The following RPS6KC1 variants were observed in gnomAD, a reference collection of about 807,000 sequenced individuals.
The protein encoded by RPS6KC1 is ribosomal protein S6 kinase C1.
Under a neutral mutation model 103.8 loss-of-function variants are expected in RPS6KC1, and 54 were observed. The ratio of observed to expected loss-of-function variants is 0.52; its 90% CI spans 0.42 to 0.65. The LOEUF is 0.65. Among genes scored for constraint, RPS6KC1 ranks in the 30% least tolerant of loss-of-function variants. The pLI is 0.00. For synonymous variants in RPS6KC1, 439 were observed against 438.7 expected (o/e 1.00, Z -0.01); for missense variants, 1,151 against 1,253.8 (o/e 0.92, Z 1.24).
chr1:213,489,257 T>C, the RPS6KC1 span, among the ~76,000 whole-genome samples: 1 of 152,166 alleles, frequency 6.6e-6, no homozygotes, highest in South Asian at 2.1e-4. Context: ...TTTGAGCGTC[T>C]TTCTGGGTGT....
chr1:213,125,387 G>A (rs2084862149), intron 5 of RPS6KC1, among the ~76,000 whole-genome samples: 1 of 151,984 alleles, frequency 6.6e-6, no homozygotes, highest in Non-Finnish European at 1.5e-5. Flanking sequence ...TTAGGAATTT[G>A]TTATTGCCAC....
At chr1:213,204,620 CTT>C (rs35617516) in intron 8 of RPS6KC1, among the ~76,000 whole-genome samples, 77 of 127,620 alleles carry the variant, frequency 6.0e-4, no homozygotes, top group Middle Eastern at 3.9e-3. Flanking sequence ...TTAATTGTCA[CTT>C]TTTTTTTTTT....
At chr1:213,425,729 C>CA in the RPS6KC1 span, among the ~76,000 whole-genome samples, 1 of 152,190 alleles carries the variant, frequency 6.6e-6, no homozygotes, top group Non-Finnish European at 1.5e-5. Flanking sequence ...CCACACAATG[C>CA]AGGAGGGCTT....
chr1:213,114,046 C>CT (rs1394969615), intron 4 of RPS6KC1, among the ~76,000 whole-genome samples: 1 of 151,818 alleles, frequency 6.6e-6, no homozygotes, highest in Non-Finnish European at 1.5e-5. Flanking sequence ...GATGTGGGCT[C>CT]TTTTTTGGTT....
chr1:213,158,721 A>C (rs190232706), intron 6 of RPS6KC1, among the ~76,000 whole-genome samples: 209 of 152,234 alleles, frequency 1.4e-3, no homozygotes, highest in Middle Eastern at 3.4e-3. Context: ...ATGTTTCCTG[A>C]GAGTTGTTTA....
At chr1:213,497,096 G>T in the RPS6KC1 span, among the ~76,000 whole-genome samples, 1 of 152,160 alleles carries the variant, frequency 6.6e-6, no homozygotes, top group Non-Finnish European at 1.5e-5. Context: ...TAAATCAGCA[G>T]AGAAAAATAG....
the RPS6KC1 span, among the ~76,000 whole-genome samples, chr1:213,623,501 T>G: frequency 6.6e-6 from 1 of 151,980 alleles, no homozygotes; most frequent in African/African-American, 2.4e-5. Context: ...GCGCTTACAG[T>G]CTAATGAGGG....
chr1:213,174,475 G>C (rs553762812), intron 7 of RPS6KC1, among the ~76,000 whole-genome samples: 1 of 152,138 alleles, frequency 6.6e-6, no homozygotes, highest in Admixed American at 6.5e-5. Flanking sequence ...TTCGAAACCA[G>C]CCTCGCCAAC....
chr1:213,172,677 T>C lies in RPS6KC1; in HGVS notation c.952-3723T>C, dbSNP rs539251918. Among the ~76,000 whole-genome samples the C allele has an allele frequency of 2.0e-5, 3 of 152,176 alleles. No individual in the cohort carries two copies. In the East Asian group the frequency reaches 5.8e-4, roughly 29 times the overall value. On this transcript the variant is annotated intron_variant, in intron 7 of 14. Transcript: ENST00000366960. The stretch of plus-strand genomic sequence containing the variant: ...CGTAGTGGCTGCCAAGAGCATTGTA[T>C]TGAGAAGAGTTGTGAGACTGTGGGA...
intron 6 of RPS6KC1, among the ~76,000 whole-genome samples, chr1:213,133,552 A>G (rs545161610): frequency 8.9e-4 from 135 of 152,280 alleles, no homozygotes; most frequent in Non-Finnish European, 1.3e-3. Flanking sequence ...GTTAGCAAGA[A>G]TAATTATTTA....
At chr1:213,176,327 C>T (rs781195501) in intron 7 of RPS6KC1, 73 bp from the exon 8 acceptor site, 82 of 847,146 alleles carry the variant, frequency 9.7e-5, no homozygotes, top group Non-Finnish European at 1.4e-4. Flanking sequence ...TTTGGCCTGG[C>T]ATTTGCTTCA....
chr1:213,811,677 T>C, the RPS6KC1 span, among the ~76,000 whole-genome samples: 14 of 152,210 alleles, frequency 9.2e-5, no homozygotes, highest in Non-Finnish European at 1.8e-4. Flanking sequence ...TAAAAAATTC[T>C]GGAGACAGGA....
At chr1:213,425,307 C>A in the RPS6KC1 span, among the ~76,000 whole-genome samples, 1 of 152,106 alleles carries the variant, frequency 6.6e-6, no homozygotes, top group South Asian at 2.1e-4. Flanking sequence ...GTTGACACAT[C>A]GGACACCAAA....
chr1:213,498,914 G>A, the RPS6KC1 span, among the ~76,000 whole-genome samples: 2 of 151,686 alleles, frequency 1.3e-5, no homozygotes. Context: ...CAAGTAGCTG[G>A]GATTATAGGC....
At chr1:213,622,842 A>G in the RPS6KC1 span, among the ~76,000 whole-genome samples, 2 of 152,124 alleles carry the variant, frequency 1.3e-5, no homozygotes, top group African/African-American at 4.8e-5. Context: ...TAAAACCACA[A>G]ACCACTAGGG....
At chr1:213,531,541 A>C in the RPS6KC1 span, among the ~76,000 whole-genome samples, 1 of 152,200 alleles carries the variant, frequency 6.6e-6, no homozygotes, top group Non-Finnish European at 1.5e-5. Flanking sequence ...GTGGGTCAAT[A>C]AATGGAGCTC....
intron 8 of RPS6KC1, among the ~76,000 whole-genome samples, chr1:213,227,969 C>T (rs1374894695): frequency 2.0e-5 from 3 of 152,120 alleles, no homozygotes; most frequent in African/African-American, 4.8e-5. Flanking sequence ...TAACATAACA[C>T]GTTCACAAAT....
At chr1:213,585,238 T>C in the RPS6KC1 span, among the ~76,000 whole-genome samples, 4 of 152,282 alleles carry the variant, frequency 2.6e-5, no homozygotes, top group South Asian at 8.3e-4. Context: ...TGCTACCTGC[T>C]CTCATTCCCT....
the RPS6KC1 span, among the ~76,000 whole-genome samples, chr1:213,339,029 C>T: frequency 1.3e-5 from 2 of 152,056 alleles, no homozygotes; most frequent in Admixed American, 6.5e-5. Context: ...TTTGGGAGGC[C>T]AAGGCAGGTG....
Sources: gnomAD v4.1 joint callset for allele counts (sites outside exome capture counted in the v4.1 genomes callset) on GRCh38, gnomAD v4.1.1 for gene constraint, MANE v1.5 for transcripts, NCBI Gene and HGNC (gene_info 2026-07-23, HGNC 2026-07-21) for gene names.